The following ST8SIA5 variants were observed in gnomAD, a reference collection of about 807,000 sequenced individuals.
The protein encoded by ST8SIA5 is ST8 alpha-N-acetyl-neuraminide alpha-2,8-sialyltransferase 5, also known as alpha-2,8-sialyltransferase 8E.
In ST8SIA5, 24 loss-of-function variants were observed where a neutral mutation model predicts 40.2. The ratio of observed to expected loss-of-function variants is 0.60; its 90% confidence interval spans 0.43 to 0.84. The LOEUF is 0.84. Among genes scored for constraint, ST8SIA5 ranks in the 40% least tolerant of loss-of-function variants. ST8SIA5 has a pLI of 0.00. For missense variants in ST8SIA5, 465 were observed against 498.5 expected (o/e 0.93, Z 0.64); for synonymous variants, 198 against 201.8 (o/e 0.98, Z 0.16).
At chr18:46,732,321 T>C (rs968763748) in intron 1 of ST8SIA5, among the ~76,000 whole-genome samples, 3 of 152,204 alleles carry the variant, frequency 2.0e-5, no homozygotes, top group African/African-American at 7.2e-5. Context: ...GGGGCAAAGA[T>C]AGGCCTGGAA....
intron 1 of ST8SIA5, among the ~76,000 whole-genome samples, chr18:46,749,982 C>A (rs2040181386): frequency 6.6e-6 from 1 of 152,192 alleles, no homozygotes; most frequent in Non-Finnish European, 1.5e-5. Flanking sequence ...TCACCAGAAC[C>A]CAACCATGCT....
At chr18:46,682,952 A>T (rs1414074782) in intron 5 of ST8SIA5, among the ~76,000 whole-genome samples, 1 of 152,202 alleles carries the variant, frequency 6.6e-6, no homozygotes, top group Non-Finnish European at 1.5e-5. Context: ...AGACATCTTG[A>T]TTTTAGTCCA....
intron 2 of ST8SIA5, 53 bp from the exon 3 acceptor site, chr18:46,692,308 C>T (rs2144482591): frequency 4.5e-6 from 7 of 1,546,214 alleles, no homozygotes; most frequent in East Asian, 2.2e-5. Context: ...GGACAGAGCG[C>T]GATCATTCCC....
intron 2 of ST8SIA5, 50 bp from the exon 3 acceptor site, chr18:46,692,305 G>A (rs147643051): frequency 9.9e-5 from 155 of 1,559,036 alleles, no homozygotes; most frequent in Admixed American, 8.0e-4. Context: ...GCGGGACAGA[G>A]CGCGATCATT....
chr18:46,704,527 CACCTCCACATGCTCCCTGCA>C, intron 2 of ST8SIA5, 25 bp downstream of exon 2: 2 of 1,551,174 alleles, frequency 1.3e-6, no homozygotes, highest in Non-Finnish European at 1.8e-6. Flanking sequence ...ACCCCTGCCC[CACCTCCACATGCTCCCTGCA>C]CCCACCACAA....
At chr18:46,694,482 C>G (rs1481198593) in intron 2 of ST8SIA5, among the ~76,000 whole-genome samples, 1 of 152,182 alleles carries the variant, frequency 6.6e-6, no homozygotes, top group Non-Finnish European at 1.5e-5. Flanking sequence ...TGATTTCTCT[C>G]TCTTGATCAT....
intron 1 of ST8SIA5, among the ~76,000 whole-genome samples, chr18:46,735,543 A>G (rs2040025537): frequency 6.6e-6 from 1 of 152,192 alleles, no homozygotes; most frequent in Non-Finnish European, 1.5e-5. Flanking sequence ...TGCATGCAAA[A>G]TTGGTGAAAT....
chr18:46,714,911 C>T (rs537798968), intron 1 of ST8SIA5, among the ~76,000 whole-genome samples: 4 of 152,286 alleles, frequency 2.6e-5, no homozygotes, highest in South Asian at 2.1e-4. Flanking sequence ...AGCCATAAAG[C>T]TTTGGGTTCA....
intron 1 of ST8SIA5, among the ~76,000 whole-genome samples, chr18:46,708,746 C>T (rs776819688): frequency 6.6e-6 from 1 of 152,204 alleles, no homozygotes; most frequent in African/African-American, 2.4e-5. Context: ...CTCTTGCCCA[C>T]ACTTCCCCCT....
At chr18:46,746,389 C>G (rs1239626236) in intron 1 of ST8SIA5, among the ~76,000 whole-genome samples, 2 of 152,084 alleles carry the variant, frequency 1.3e-5, no homozygotes, top group East Asian at 1.9e-4. Flanking sequence ...CAAAATCAAT[C>G]TGCAAAAATC....
chr18:46,721,639 GC>G (rs1433502088), intron 1 of ST8SIA5, among the ~76,000 whole-genome samples: 1 of 152,196 alleles, frequency 6.6e-6, no homozygotes, highest in Non-Finnish European at 1.5e-5. Context: ...ATAAACCACA[GC>G]CCTCTACAGT....
At chr18:46,736,380 T>C (rs1383625056) in intron 1 of ST8SIA5, among the ~76,000 whole-genome samples, 1 of 152,164 alleles carries the variant, frequency 6.6e-6, no homozygotes, top group Non-Finnish European at 1.5e-5. Context: ...AGATTGGACC[T>C]GCAGAATAGC....
intron 1 of ST8SIA5, among the ~76,000 whole-genome samples, chr18:46,719,995 C>T (rs1335017751): frequency 2.0e-5 from 3 of 151,856 alleles, no homozygotes; most frequent in Admixed American, 2.0e-4. Flanking sequence ...TGTGCCACCA[C>T]ACCCGGCTAA....
chr18:46,714,883 A>T (rs1244771759), intron 1 of ST8SIA5, among the ~76,000 whole-genome samples: 1 of 151,722 alleles, frequency 6.6e-6, no homozygotes, highest in East Asian at 1.9e-4. Context: ...TGCCCAGGAG[A>T]CTCCACAGAG....
chr18:46,699,376 CTCTTTTTTTT>C (rs1185910099), intron 2 of ST8SIA5, among the ~76,000 whole-genome samples: 1 of 151,930 alleles, frequency 6.6e-6, no homozygotes, highest in African/African-American at 2.4e-5. Context: ...TTCTTTCTCC[CTCTTTTTTTT>C]TCTTTTTTTT....
intron 1 of ST8SIA5, among the ~76,000 whole-genome samples, chr18:46,741,969 G>C (rs1205499480): frequency 2.0e-5 from 3 of 151,986 alleles, no homozygotes; most frequent in Non-Finnish European, 4.4e-5. Context: ...GGGCATGGTG[G>C]CGCATGCCTG....
intron 1 of ST8SIA5, among the ~76,000 whole-genome samples, chr18:46,744,822 A>T (rs1289799597): frequency 6.6e-6 from 1 of 152,166 alleles, no homozygotes; most frequent in Non-Finnish European, 1.5e-5. Context: ...GAAGTAAAGC[A>T]CTCCTCAGCA....
chr18:46,697,008 G>A (rs189057502), intron 2 of ST8SIA5, among the ~76,000 whole-genome samples: 2 of 151,182 alleles, frequency 1.3e-5, no homozygotes, highest in East Asian at 3.9e-4. Flanking sequence ...TTGTGAGTCT[G>A]TAAGCAGAAC....
intron 1 of ST8SIA5, among the ~76,000 whole-genome samples, chr18:46,746,075 T>G (rs918959299): frequency 6.6e-6 from 1 of 152,092 alleles, no homozygotes; most frequent in African/African-American, 2.4e-5. Flanking sequence ...CTCAAAATAA[T>G]AAGAGCTATT....
Sources: allele counts gnomAD v4.1 joint callset (sites outside exome capture counted in the v4.1 genomes callset), GRCh38; gene constraint gnomAD v4.1.1; transcripts MANE v1.5; gene names NCBI Gene and HGNC (gene_info 2026-07-23, HGNC 2026-07-21).